CPLANE1: variants seen among roughly 807,000 people sequenced by gnomAD.
CPLANE1 encodes the protein ciliogenesis and planar polarity effector complex subunit 1.
In CPLANE1, 263 loss-of-function variants were observed where a neutral mutation model predicts 362.5. The ratio of observed to expected loss-of-function variants is 0.73; its 90% CI spans 0.66 to 0.80. The LOEUF (loss-of-function observed/expected upper bound fraction) is 0.80, where lower values mean the gene tolerates loss of function less well. CPLANE1 is among the 30% of genes least tolerant of loss of function. The pLI is 0.00. For synonymous variants in CPLANE1, 1,212 were observed against 1,302.6 expected (o/e 0.93, Z 1.50); for missense variants, 3,461 against 3,793.4 (o/e 0.91, Z 2.30).
At chr5:37,235,189 A>C (rs1051896819) in intron 8 of CPLANE1, among the ~76,000 whole-genome samples, 4 of 152,180 alleles carry the variant, frequency 2.6e-5, no homozygotes, top group African/African-American at 9.6e-5. Flanking sequence ...ACCAATAACT[A>C]TGTAGCCAAG....
intron 34 of CPLANE1, among the ~76,000 whole-genome samples, chr5:37,168,410 T>C (rs147305299): frequency 2.4e-4 from 36 of 152,360 alleles, no homozygotes; most frequent in African/African-American, 8.4e-4. Context: ...CCTGGTAATT[T>C]TACTTCTTAT....
intron 42 of CPLANE1, among the ~76,000 whole-genome samples, chr5:37,149,678 CAA>C (rs1772921738): frequency 6.6e-6 from 1 of 152,050 alleles, no homozygotes; most frequent in African/African-American, 2.4e-5. Flanking sequence ...ATACTGTAAT[CAA>C]AGTTATATGA....
In CPLANE1 at chr5:37,249,301, T is replaced by G. The variant is rs899243344; in HGVS notation, c.-104A>C. On this transcript the variant is annotated 5_prime_UTR_variant, in exon 1 of 53. Coordinates refer to ENST00000651892, the MANE Select transcript of CPLANE1 (RefSeq NM_001384732.1). The stretch of plus-strand genomic sequence containing the variant: ...CGCGAGAAGGCTAGGCGAGGCCGAC[T>G]GCGCGGGGTGAAGACGCCAGGCCGA... The G allele has an allele frequency of 1.3e-5, 2 of 152,302 alleles. No individual in the cohort carries two copies. The highest frequency in any genetic ancestry group is 4.8e-5 in the African/African-American group (2 of 41,460). The allele number at this position is 152,302 out of a possible 1,614,324, so 9.4% of individuals were successfully genotyped here.
At chr5:37,149,333 C>T (rs1275068117) in intron 42 of CPLANE1, among the ~76,000 whole-genome samples, 1 of 152,140 alleles carries the variant, frequency 6.6e-6, no homozygotes, top group Non-Finnish European at 1.5e-5. Flanking sequence ...AACCTATAGA[C>T]ATTCTTCCCA....
intron 20 of CPLANE1, 68 bp downstream of exon 20, chr5:37,198,634 A>G: frequency 2.1e-6 from 3 of 1,425,800 alleles, no homozygotes; most frequent in African/African-American, 1.5e-5. Flanking sequence ...AACAATTATA[A>G]AAACAATAAT....
intron 21 of CPLANE1, among the ~76,000 whole-genome samples, chr5:37,189,955 C>T (rs1459556945): frequency 4.6e-5 from 7 of 151,438 alleles, no homozygotes; most frequent in African/African-American, 1.5e-4. Flanking sequence ...GCTGAGATCA[C>T]GCCACTGCAC....
intron 24 of CPLANE1, among the ~76,000 whole-genome samples, chr5:37,185,817 T>A (rs1783823387): frequency 1.3e-5 from 2 of 152,192 alleles, no homozygotes; most frequent in Admixed American, 1.3e-4. Context: ...TATATGCATT[T>A]TACCACAGTA....
chr5:37,103,258 T>C (rs1182884064), downstream of CPLANE1, among the ~76,000 whole-genome samples: 2 of 152,256 alleles, frequency 1.3e-5, no homozygotes, highest in Admixed American at 1.3e-4. Flanking sequence ...AGCCTATGTG[T>C]GTCTTTGGAT....
chr5:37,101,857 A>G (rs1757307435), downstream of CPLANE1, among the ~76,000 whole-genome samples: 1 of 151,850 alleles, frequency 6.6e-6, no homozygotes, highest in East Asian at 1.9e-4. Flanking sequence ...GAATTTATCT[A>G]TTTCTTCCAG....
At chr5:37,103,449 T>C (rs1561262883), downstream of CPLANE1, among the ~76,000 whole-genome samples, 1 of 152,242 alleles carries the variant, frequency 6.6e-6, no homozygotes, top group Non-Finnish European at 1.5e-5. Context: ...TTTATGTGGT[T>C]GCTTCATAGT....
rs1201652001 is a variant in CPLANE1, at chr5:37,184,945, G to T, written c.4324C>A (p.Pro1442Thr). The change falls in exon 25 of 53, where the codon CCA becomes ACA. Residue 1442 changes from proline (P) to threonine (T), a missense_variant. This residue lies in a region of CPLANE1 where 3,380 missense variants were observed against 3,666.1 expected (regional missense o/e 0.92). Coordinates refer to ENST00000651892, the MANE Select transcript of CPLANE1 (RefSeq NM_001384732.1). ...CTGTCAACACCTGGAGCCTCATCTG[G>T]TTTCTCTTCTTCAATTGGTTCCCAT... ...NIWEPIEEEK[P>T]DEAPGVDRYS... 6.2e-7 allele frequency: 1 copy of T among 1,613,854 alleles called. No homozygotes were observed. The highest frequency in any genetic ancestry group is 1.3e-5 in the African/African-American group (1 of 74,850).
Position 37,157,678 on chromosome 5 carries a change from T to C in CPLANE1, c.8003A>G (p.Lys2668Arg). ...VTNAVPPHNF[K>R]SQEVTPACLD... is the part of the protein sequence containing the mutation. Reference sequence around the variant, plus strand: ...AAGTAGGAAAAAATTACCTTGACTCTTAAAATTATGTGGGGGAACAGCATT... The same window carrying C: ...AAGTAGGAAAAAATTACCTTGACTCCTAAAATTATGTGGGGGAACAGCATT... The change falls in exon 40 of 53, where the codon AAG becomes AGG. Residue 2668 changes from lysine to arginine, a missense_variant. Physicochemically the swap from Lys to Arg is conservative, Grantham distance 26. This residue lies in a region of CPLANE1 where 3,380 missense variants were observed against 3,666.1 expected (regional missense o/e 0.92). Transcript: ENST00000651892. 15 of 1,612,876 alleles carry C rather than the reference T, an allele frequency of 9.3e-6. No individual in the cohort carries two copies. The highest frequency in any genetic ancestry group is 1.3e-5 in the Non-Finnish European group (15 of 1,179,548).
At chr5:37,081,863 G>A in the CPLANE1 span, among the ~76,000 whole-genome samples, 14 of 152,050 alleles carry the variant, frequency 9.2e-5, no homozygotes, top group Middle Eastern at 3.4e-3. Flanking sequence ...GACATTGGCC[G>A]GGCACAGTGG....
the CPLANE1 span, among the ~76,000 whole-genome samples, chr5:37,083,102 G>A: frequency 1.3e-5 from 2 of 152,058 alleles, no homozygotes; most frequent in African/African-American, 2.4e-5. Flanking sequence ...CACATCACAG[G>A]ACTCTGTGCA....
chr5:37,114,990 C>T lies in CPLANE1; in HGVS notation c.9370G>A (p.Ala3124Thr). The T allele has an allele frequency of 6.2e-7, 1 of 1,611,286 alleles. No individual in the cohort carries two copies. Among genetic ancestry groups the T allele is most frequent in the Non-Finnish European group, 8.5e-7 (1 of 1,178,286 alleles). ...TGGAAGGTAACTGGAGACTGCGTAGCCTTTCTTACTGCTGCTTTGGCTCCA... is the reference window on the plus strand; with the variant it reads ...TGGAAGGTAACTGGAGACTGCGTAGTCTTTCTTACTGCTGCTTTGGCTCCA... The part of the protein sequence containing the change: ...AGGAKAAVRK[A>T]TQSPVTFQKG... Residue 3124 changes from alanine to threonine, a missense_variant, in exon 51 of 53, where the codon GCT (alanine) becomes ACT (threonine). Ala to Thr is a moderately conservative substitution (Grantham distance 58). This residue lies in a region of CPLANE1 where 3,380 missense variants were observed against 3,666.1 expected (regional missense o/e 0.92). Transcript: ENST00000651892.
Position 37,121,212 on chromosome 5 carries a change from G to A in CPLANE1, c.9185+405C>T, listed in dbSNP as rs543139471. Among the ~76,000 whole-genome samples, 6 of 152,276 alleles carry A rather than the reference G, an allele frequency of 3.9e-5. No individual in the cohort carries two copies. In the East Asian group the frequency reaches 9.6e-4, roughly 24 times the overall value. On this transcript the variant is annotated intron_variant, in intron 49 of 52. Transcript: ENST00000651892. ...GAGCATAACTGGGCAGGTCTGGGGC[G>A]GGTAGCAGAAAGGGAAGTGGTAAGC...
intron 44 of CPLANE1, chr5:37,141,510 T>C (rs1437449241): frequency 1.0e-6 from 1 of 983,814 alleles, no homozygotes; most frequent in Non-Finnish European, 1.2e-6. Flanking sequence ...ACTGAGAAAA[T>C]AATTACAAGA....
At chr5:37,212,334 G>C in intron 16 of CPLANE1, 4 of 883,280 alleles carry the variant, frequency 4.5e-6, no homozygotes, top group South Asian at 3.9e-5. Context: ...TGACAAAGTC[G>C]AAAGTTTAAC....
chr5:37,103,296 A>C (rs1223432327), downstream of CPLANE1, among the ~76,000 whole-genome samples: 1 of 152,204 alleles, frequency 6.6e-6, no homozygotes. Flanking sequence ...AAGACAGAAC[A>C]TTAATGGGGC....
Sources: gnomAD v4.1 joint callset for allele counts (sites outside exome capture counted in the v4.1 genomes callset) on GRCh38, gnomAD v4.1.1 for gene constraint, gnomAD v4.1.1 regional missense constraint, MANE v1.5 for transcripts, NCBI Gene and HGNC (gene_info 2026-07-23, HGNC 2026-07-21) for gene names.